DCLK1: variants seen among roughly 807,000 people sequenced by gnomAD.
DCLK1 encodes the protein doublecortin like kinase 1, also known as serine/threonine-protein kinase DCLK1.
In DCLK1, 16 loss-of-function variants were observed where a neutral mutation model predicts 86.2. The observed-to-expected ratio is 0.19, with a 90% CI of 0.13 to 0.28. DCLK1 has a LOEUF of 0.28. Ranked by LOEUF, DCLK1 falls within the 10% of genes least tolerant of loss-of-function variation. The pLI is 1.00. For missense variants in DCLK1, 590 were observed against 940.2 expected, an observed-to-expected ratio of 0.63 and a Z score of 4.87; for synonymous variants, 369 against 370.5, an observed-to-expected ratio of 1.00 and a Z score of 0.05.
intron 4 of DCLK1, among the ~76,000 whole-genome samples, chr13:35,943,791 C>T (rs1467188066): frequency 6.6e-6 from 1 of 152,186 alleles, no homozygotes; most frequent in Non-Finnish European, 1.5e-5. Context: ...TTTTAAATGG[C>T]TACGGATTAC....
At chr13:36,084,465 A>C in intron 3 of DCLK1, among the ~76,000 whole-genome samples, 1 of 152,218 alleles carries the variant, frequency 6.6e-6, no homozygotes, top group Non-Finnish European at 1.5e-5. Flanking sequence ...AGATATAAAC[A>C]AATTTGAAGT....
At chr13:36,078,830 CA>C (rs1035153959) in intron 3 of DCLK1, among the ~76,000 whole-genome samples, 5 of 151,880 alleles carry the variant, frequency 3.3e-5, no homozygotes, top group Admixed American at 1.3e-4. Context: ...TCATTTCCTA[CA>C]AAAAAAATAG....
intron 3 of DCLK1, among the ~76,000 whole-genome samples, chr13:36,043,617 A>T (rs966073662): frequency 1.3e-5 from 2 of 152,146 alleles, no homozygotes; most frequent in Non-Finnish European, 1.5e-5. Flanking sequence ...ACAATATCAG[A>T]GATAATGAAT....
At chr13:36,070,168 A>G (rs1246069399) in intron 3 of DCLK1, among the ~76,000 whole-genome samples, 1 of 152,208 alleles carries the variant, frequency 6.6e-6, no homozygotes, top group Non-Finnish European at 1.5e-5. Context: ...AAATCCAAAA[A>G]CATCCTAAAG....
chr13:36,099,806 T>C (rs1177858658), intron 3 of DCLK1, among the ~76,000 whole-genome samples: 3 of 152,202 alleles, frequency 2.0e-5, no homozygotes, highest in East Asian at 1.9e-4. Flanking sequence ...TTGTTTTTTA[T>C]GGTCACTGTC....
At chr13:36,052,621 T>C (rs1450128760) in intron 3 of DCLK1, among the ~76,000 whole-genome samples, 1 of 152,176 alleles carries the variant, frequency 6.6e-6, no homozygotes, top group Non-Finnish European at 1.5e-5. Context: ...AAGACAGACT[T>C]GTAAACAAAC....
At chr13:36,055,709 T>G (rs1883279297) in intron 3 of DCLK1, among the ~76,000 whole-genome samples, 1 of 152,194 alleles carries the variant, frequency 6.6e-6, no homozygotes, top group African/African-American at 2.4e-5. Context: ...TTTTTAAAAC[T>G]TCATTCTAAC....
chr13:35,850,826 C>A, intron 6 of DCLK1: 1 of 1,524,530 alleles, frequency 6.6e-7, no homozygotes, highest in South Asian at 1.3e-5. Flanking sequence ...TTCTTGGGTG[C>A]CCTGTGGCTC....
intron 4 of DCLK1, among the ~76,000 whole-genome samples, chr13:35,900,232 A>G (rs1393809994): frequency 7.2e-6 from 1 of 139,230 alleles, no homozygotes; most frequent in Non-Finnish European, 1.5e-5. Flanking sequence ...TTTAGGTTCA[A>G]CTAAATAAAC....
chr13:35,958,039 C>CCACCACCATCACTATAACCAT (rs1878126444), intron 3 of DCLK1, among the ~76,000 whole-genome samples: 2 of 140,644 alleles, frequency 1.4e-5, no homozygotes, highest in Non-Finnish European at 3.1e-5. Context: ...ACTACCACCA[C>CCACCACCATCACTATAACCAT]CACCACCATC....
chr13:36,044,161 A>T (rs1225743871), intron 3 of DCLK1, among the ~76,000 whole-genome samples: 1 of 152,184 alleles, frequency 6.6e-6, no homozygotes, highest in Non-Finnish European at 1.5e-5. Context: ...TCTCCATATG[A>T]CATGAAGGCT....
chr13:36,105,776 C>A (rs1337543847), intron 3 of DCLK1, among the ~76,000 whole-genome samples: 1 of 152,170 alleles, frequency 6.6e-6, no homozygotes, highest in East Asian at 1.9e-4. Flanking sequence ...ATTTTCCAGA[C>A]TGAAATCTCA....
At chr13:35,828,396 G>T in intron 8 of DCLK1, 89 bp from the exon 9 acceptor site, 2 of 989,102 alleles carry the variant, frequency 2.0e-6, no homozygotes, top group Non-Finnish European at 3.0e-6. Context: ...CTACCCCATA[G>T]ATCTTGCATC....
intron 8 of DCLK1, among the ~76,000 whole-genome samples, chr13:35,831,063 G>C (rs953191401): frequency 1.3e-5 from 2 of 152,152 alleles, no homozygotes; most frequent in Non-Finnish European, 2.9e-5. Context: ...GTTCTGTCCT[G>C]AGCCTACAGC....
chr13:35,817,304 T>G (rs2153104109), intron 11 of DCLK1, among the ~76,000 whole-genome samples: 1 of 152,276 alleles, frequency 6.6e-6, no homozygotes, highest in East Asian at 1.9e-4. Context: ...ATTACGGTAC[T>G]AAATAATGCT....
intron 7 of DCLK1, among the ~76,000 whole-genome samples, chr13:35,836,468 T>C (rs568119857): frequency 6.6e-6 from 1 of 152,372 alleles, no homozygotes; most frequent in East Asian, 1.9e-4. Context: ...TAGTGTTTAC[T>C]GAATACCCAC....
At chr13:35,987,002 T>C (rs558591593) in intron 3 of DCLK1, among the ~76,000 whole-genome samples, 75 of 152,322 alleles carry the variant, frequency 4.9e-4, no homozygotes, top group African/African-American at 1.5e-3. Flanking sequence ...AATGCTCTTG[T>C]AAAAGCTCCA....
At chr13:35,844,965 C>T (rs1416949736) in intron 6 of DCLK1, among the ~76,000 whole-genome samples, 5 of 151,984 alleles carry the variant, frequency 3.3e-5, no homozygotes, top group Non-Finnish European at 5.9e-5. Context: ...AATATTTTTT[C>T]GTCTGGGTAC....
rs753364600 is a variant in DCLK1, at chr13:35,822,819, G to A, written c.1464C>T (p.Ala488=). ...TGGCTAGGTTGTACAGCATCCCACTGGCGTCTCTCTCGGTGTATTTGTTAG... is the reference window on the plus strand; with the variant it reads ...TGGCTAGGTTGTACAGCATCCCACTAGCGTCTCTCTCGGTGTATTTGTTAG... ...TSTNKYTERD[A]SGMLYNLASA... The change falls in exon 11 of 17, where the codon GCC becomes GCT. Residue 488 remains alanine (A), a synonymous_variant. Transcript: ENST00000360631. The A allele has an allele frequency of 6.2e-7, 1 of 1,613,810 alleles. No individual in the cohort carries two copies. The highest frequency in any genetic ancestry group is 2.2e-5 in the East Asian group (1 of 44,840).
Sources: gnomAD v4.1 joint callset for allele counts (sites outside exome capture counted in the v4.1 genomes callset) on GRCh38, gnomAD v4.1.1 for gene constraint, MANE v1.5 for transcripts, NCBI Gene and HGNC (gene_info 2026-07-23, HGNC 2026-07-21) for gene names.